Variants in CTNNA2 observed in about 807,000 individuals in gnomAD.
The protein encoded by CTNNA2 is catenin alpha 2.
CTNNA2 carries 42 observed loss-of-function variants against 101.0 expected under a neutral mutation model. The observed-to-expected ratio is 0.42, with a 90% CI of 0.32 to 0.54. The LOEUF is 0.54. Among genes scored for constraint, CTNNA2 ranks in the 20% least tolerant of loss-of-function variants. The pLI is 0.14. For synonymous variants in CTNNA2, 450 were observed against 456.4 expected (o/e 0.99, Z 0.18); for missense variants, 871 against 1,223.1 (o/e 0.71, Z 4.29).
chr2:80,334,299 C>T (rs1422045494), intron 7 of CTNNA2, among the ~76,000 whole-genome samples: 1 of 152,148 alleles, frequency 6.6e-6, no homozygotes, highest in Non-Finnish European at 1.5e-5. Flanking sequence ...TCTCACTTTT[C>T]CCATATTTCT....
intron 7 of CTNNA2, among the ~76,000 whole-genome samples, chr2:80,234,847 ATTTTTAG>A (rs1709460040): frequency 6.6e-6 from 1 of 151,382 alleles, no homozygotes; most frequent in Non-Finnish European, 1.5e-5. Flanking sequence ...GCTTGTAAAT[ATTTTTAG>A]TTTTGTAGGC....
At chr2:80,162,808 T>C (rs1558865141) in intron 7 of CTNNA2, 1 of 1,590,702 alleles carries the variant, frequency 6.3e-7, no homozygotes, top group Non-Finnish European at 8.6e-7. Flanking sequence ...GCACTGTTCA[T>C]CACTGCTTGT....
At chr2:80,567,518 T>C (rs951037492) in intron 12 of CTNNA2, among the ~76,000 whole-genome samples, 1 of 152,092 alleles carries the variant, frequency 6.6e-6, no homozygotes, top group African/African-American at 2.4e-5. Flanking sequence ...CACACTCTCT[T>C]TTACCCTTTT....
chr2:79,768,487 T>C (rs1573919521), intron 3 of CTNNA2, among the ~76,000 whole-genome samples: 1 of 151,596 alleles, frequency 6.6e-6, no homozygotes, highest in Non-Finnish European at 1.5e-5. Context: ...GGGTGATCGG[T>C]GGAGCTTTCT....
chr2:79,812,096 G>A (rs1391989431), intron 3 of CTNNA2, among the ~76,000 whole-genome samples: 1 of 152,160 alleles, frequency 6.6e-6, no homozygotes, highest in African/African-American at 2.4e-5. Flanking sequence ...CTTATATCCT[G>A]TGACCTTCTA....
chr2:79,458,089 A>G (rs188759950), intron 4 of CTNNA2, among the ~76,000 whole-genome samples: 8 of 152,320 alleles, frequency 5.3e-5, no homozygotes, highest in Non-Finnish European at 1.0e-4. Context: ...AGCTTTCCAT[A>G]GAATTAAGCA....
chr2:79,507,450 TC>T (rs1166744843), intron 5 of CTNNA2, among the ~76,000 whole-genome samples: 1 of 152,096 alleles, frequency 6.6e-6, no homozygotes, highest in African/African-American at 2.4e-5. Context: ...CCCCTTCCTC[TC>T]CTGATCTCTC....
At chr2:79,317,362 G>T (rs1388632296) in intron 3 of CTNNA2, among the ~76,000 whole-genome samples, 1 of 152,032 alleles carries the variant, frequency 6.6e-6, no homozygotes, top group Non-Finnish European at 1.5e-5. Context: ...GTGGTCCATA[G>T]TTTTATTTTC....
chr2:79,754,592 A>G (rs1456358248), intron 3 of CTNNA2, among the ~76,000 whole-genome samples: 1 of 152,074 alleles, frequency 6.6e-6, no homozygotes, highest in East Asian at 1.9e-4. Flanking sequence ...CTCTCTAAAA[A>G]CAAGAGTTGC....
At chr2:79,651,439 G>A in intron 1 of CTNNA2, 113 bp from the exon 2 acceptor site, 1 of 959,194 alleles carries the variant, frequency 1.0e-6, no homozygotes, top group African/African-American at 1.6e-5. Flanking sequence ...TTGGACCAGA[G>A]AGGCTATCTT....
intron 3 of CTNNA2, among the ~76,000 whole-genome samples, chr2:79,800,109 A>G (rs1676040467): frequency 6.6e-6 from 1 of 152,246 alleles, no homozygotes; most frequent in South Asian, 2.1e-4. Flanking sequence ...GCTAAAAGCT[A>G]TAATTTTGTC....
intron 7 of CTNNA2, among the ~76,000 whole-genome samples, chr2:79,983,096 C>T (rs1365881383): frequency 2.0e-5 from 3 of 150,608 alleles, no homozygotes; most frequent in Admixed American, 2.0e-4. Context: ...AACTATATAA[C>T]CCCTCAAGGT....
intron 11 of CTNNA2, 73 bp from the exon 12 acceptor site, chr2:80,555,620 G>A (rs988840202): frequency 1.2e-6 from 1 of 868,566 alleles, no homozygotes; most frequent in Admixed American, 2.9e-5. Context: ...GCTCATGAGA[G>A]TTGAATCAAT....
At chr2:79,751,228 A>G (rs1338988251) in intron 3 of CTNNA2, among the ~76,000 whole-genome samples, 1 of 152,168 alleles carries the variant, frequency 6.6e-6, no homozygotes, top group Non-Finnish European at 1.5e-5. Flanking sequence ...ATAAAAAAGA[A>G]TGGCACTAAT....
chr2:80,220,141 T>G (rs917697147), intron 7 of CTNNA2, among the ~76,000 whole-genome samples: 9 of 152,182 alleles, frequency 5.9e-5, no homozygotes, highest in African/African-American at 2.2e-4. Flanking sequence ...CTGCAGTTCT[T>G]CCTGTAACTG....
intron 2 of CTNNA2, among the ~76,000 whole-genome samples, chr2:79,653,242 G>C (rs1251184559): frequency 6.6e-6 from 1 of 152,142 alleles, no homozygotes; most frequent in African/African-American, 2.4e-5. Context: ...TTCATGAAGG[G>C]TTGCACATAT....
chr2:79,559,543 C>T (rs1397290851), intron 1 of CTNNA2, among the ~76,000 whole-genome samples: 1 of 151,790 alleles, frequency 6.6e-6, no homozygotes, highest in Admixed American at 6.6e-5. Flanking sequence ...ATTTTTTCCC[C>T]ATAGTAGGAA....
At chr2:80,374,679 GTGCGT>G in intron 7 of CTNNA2, among the ~76,000 whole-genome samples, 1 of 92,132 alleles carries the variant, frequency 1.1e-5, no homozygotes, top group African/African-American at 8.3e-5. Flanking sequence ...GCGTGCGTGC[GTGCGT>G]GTGTGTGTGT....
At chr2:79,557,220 A>G (rs1424659371) in intron 1 of CTNNA2, among the ~76,000 whole-genome samples, 1 of 152,018 alleles carries the variant, frequency 6.6e-6, no homozygotes, top group Admixed American at 6.6e-5. Context: ...TCTTTATTTC[A>G]TAACCTACAA....
Sources: allele counts gnomAD v4.1 joint callset (sites outside exome capture counted in the v4.1 genomes callset), GRCh38; gene constraint gnomAD v4.1.1; transcripts MANE v1.5; gene names NCBI Gene and HGNC (gene_info 2026-07-23, HGNC 2026-07-21).